The following SH3PXD2B variants were observed in gnomAD, a reference collection of about 807,000 sequenced individuals.
SH3PXD2B encodes SH3 and PX domains 2B, also known as SH3 and PX domain-containing protein 2B.
In SH3PXD2B, 37 loss-of-function variants were observed where a neutral mutation model predicts 73.1. The ratio of observed to expected loss-of-function variants is 0.51; its 90% CI spans 0.39 to 0.67. The LOEUF (loss-of-function observed/expected upper bound fraction) is 0.67, where lower values mean the gene tolerates loss of function less well. Ranked by LOEUF, SH3PXD2B falls within the 30% of genes least tolerant of loss-of-function variation. The pLI is 0.00. For missense variants in SH3PXD2B, 1,053 were observed against 1,197.8 expected, an observed-to-expected ratio of 0.88 and a Z score of 1.78; for synonymous variants, 457 against 480.5, an observed-to-expected ratio of 0.95 and a Z score of 0.64.
intron 2 of SH3PXD2B, among the ~76,000 whole-genome samples, chr5:172,416,879 C>G (rs143491179): frequency 5.2e-4 from 79 of 151,856 alleles, no homozygotes; most frequent in African/African-American, 1.9e-3. Flanking sequence ...TGGCTAATTT[C>G]TAAATTTTTT....
intron 4 of SH3PXD2B, among the ~76,000 whole-genome samples, chr5:172,389,845 AAG>A (rs1044047484): frequency 6.6e-6 from 1 of 152,188 alleles, no homozygotes; most frequent in Non-Finnish European, 1.5e-5. Flanking sequence ...ATCTCCTGCC[AAG>A]AGAGGGATCA....
chr5:172,359,934 T>C (rs1367888703), intron 7 of SH3PXD2B, among the ~76,000 whole-genome samples: 3 of 152,046 alleles, frequency 2.0e-5, no homozygotes, highest in Admixed American at 6.6e-5. Flanking sequence ...AGGTGCAACA[T>C]TGCTGGCGCT....
intron 3 of SH3PXD2B, among the ~76,000 whole-genome samples, chr5:172,395,811 A>G (rs1029740604): frequency 1.3e-5 from 2 of 152,128 alleles, no homozygotes; most frequent in African/African-American, 4.8e-5. Context: ...CGTGCAGAGC[A>G]ACCGGGGGTA....
At chr5:172,382,556 AACACAC>A (rs3057156) in intron 4 of SH3PXD2B, among the ~76,000 whole-genome samples, 4 of 149,460 alleles carry the variant, frequency 2.7e-5, no homozygotes, top group Admixed American at 6.7e-5. Flanking sequence ...TTTGGAGAAC[AACACAC>A]ACACACACAC....
At chr5:172,331,220 G>GTAA (rs1042002650), downstream of SH3PXD2B, among the ~76,000 whole-genome samples, 1 of 151,944 alleles carries the variant, frequency 6.6e-6, no homozygotes, top group African/African-American at 2.4e-5. Flanking sequence ...AAAATAAATG[G>GTAA]TAATAATAAT....
At chr5:172,330,237 T>C (rs938296568), downstream of SH3PXD2B, among the ~76,000 whole-genome samples, 2 of 152,188 alleles carry the variant, frequency 1.3e-5, no homozygotes, top group East Asian at 3.8e-4. Flanking sequence ...TCAATTTGTA[T>C]GGGAAAATCC....
At chr5:172,357,082 G>A (rs1757294414) in intron 8 of SH3PXD2B, among the ~76,000 whole-genome samples, 1 of 130,756 alleles carries the variant, frequency 7.6e-6, no homozygotes, top group Non-Finnish European at 1.5e-5. Context: ...TCATGCCACT[G>A]CACTCCAGCC....
chr5:172,355,192 C>T (rs1368893468), intron 8 of SH3PXD2B, among the ~76,000 whole-genome samples: 1 of 152,258 alleles, frequency 6.6e-6, no homozygotes, highest in Non-Finnish European at 1.5e-5. Context: ...GAAAATACCA[C>T]ATGCCGTCCG....
chr5:172,436,413 C>T (rs2113493476), intron 1 of SH3PXD2B, among the ~76,000 whole-genome samples: 1 of 152,366 alleles, frequency 6.6e-6, no homozygotes, highest in East Asian at 1.9e-4. Context: ...TCACCGGCCA[C>T]AGCCCTATTC....
In SH3PXD2B at chr5:172,389,741, A is replaced by AG. The variant is rs923265298; in HGVS notation, c.309+4821dup. 7.9e-4 allele frequency among the ~76,000 whole-genome samples: 120 copies of AG among 152,248 alleles called. 1 individual carries two copies. Among genetic ancestry groups the AG allele is most frequent in the Non-Finnish European group, 1.2e-3 (80 of 68,010 alleles). ...CCTTGTCTCAAAATAATAAAAATAA[A>AG]GCCTACTCCTCAAAGTGGTTGGAGA... is the stretch of plus-strand genomic sequence containing the variant. On this transcript the variant is annotated intron_variant, in intron 4 of 12. Transcript: ENST00000311601.
intron 1 of SH3PXD2B, among the ~76,000 whole-genome samples, chr5:172,451,500 G>A (rs376349950): frequency 1.3e-5 from 2 of 152,288 alleles, no homozygotes; most frequent in African/African-American, 4.8e-5. Flanking sequence ...GCAATCCACA[G>A]GACAGCCCTG....
intron 12 of SH3PXD2B, among the ~76,000 whole-genome samples, chr5:172,327,104 C>T (rs918411088): frequency 1.3e-5 from 2 of 152,148 alleles, no homozygotes; most frequent in Non-Finnish European, 2.9e-5. Flanking sequence ...AGGTGATCCG[C>T]CCGCCACGGC....
intron 1 of SH3PXD2B, among the ~76,000 whole-genome samples, chr5:172,431,525 T>G (rs1759240017): frequency 1.3e-5 from 2 of 152,246 alleles, no homozygotes; most frequent in South Asian, 2.1e-4. Context: ...GATGAGGGTT[T>G]TTGTGCAACT....
chr5:172,362,910 T>A (rs748430456), intron 6 of SH3PXD2B, 41 bp from the exon 7 acceptor site: 1 of 1,613,286 alleles, frequency 6.2e-7, no homozygotes, highest in Non-Finnish European at 8.5e-7. Context: ...CCACCACTCA[T>A]GCATGAAAGA....
intron 12 of SH3PXD2B, 143 bp downstream of exon 12, chr5:172,345,993 T>C: frequency 7.7e-7 from 1 of 1,294,380 alleles, no homozygotes; most frequent in Non-Finnish European, 1.1e-6. Context: ...AATTGTAAAC[T>C]GTATGGTATG....
chr5:172,350,347 G>T lies in SH3PXD2B; in HGVS notation c.1012+16C>A, dbSNP rs1182122894. On this transcript the variant is annotated intron_variant, in intron 10 of 12. Transcript: ENST00000311601. ...AGGGGCCCTGATTATCAGGAGCTTG[G>T]GCGGGTGTCACTCACTCTGCTTGGC... is the stretch of plus-strand genomic sequence containing the variant. 1 of 1,612,182 alleles carries T rather than the reference G, an allele frequency of 6.2e-7. No homozygotes were observed. The highest frequency in any genetic ancestry group is 8.5e-7 in the Non-Finnish European group (1 of 1,179,052).
chr5:172,358,930 G>C (rs1295997812), intron 7 of SH3PXD2B, 53 bp from the exon 8 acceptor site: 8 of 1,521,898 alleles, frequency 5.3e-6, no homozygotes, highest in Non-Finnish European at 7.2e-6. Flanking sequence ...ATGAGGCCGG[G>C]GGTCAGAACA....
At chr5:172,396,309 G>C (rs1758296555) in intron 3 of SH3PXD2B, among the ~76,000 whole-genome samples, 1 of 151,816 alleles carries the variant, frequency 6.6e-6, no homozygotes, top group African/African-American at 2.4e-5. Flanking sequence ...GGGAGGCAGA[G>C]GATGCAGTGA....
rs374035398 is a variant in SH3PXD2B at position 172,394,557 on chromosome 5, C to T, written c.309+6G>A. 1 of 1,613,924 alleles carries T rather than the reference C, an allele frequency of 6.2e-7. No homozygotes were observed. Among genetic ancestry groups the T allele is most frequent in the African/African-American group, 1.3e-5 (1 of 74,932 alleles). On this transcript the variant is annotated splice_donor_region_variant and intron_variant, in intron 4 of 12. Transcript: ENST00000311601. ...GGAAGACTGCGTGGGCATTTCTCAG[C>T]CTTACCTTACAGTATTCATCAATTG...
Sources: allele counts gnomAD v4.1 joint callset (sites outside exome capture counted in the v4.1 genomes callset), GRCh38; gene constraint gnomAD v4.1.1; transcripts MANE v1.5; gene names NCBI Gene and HGNC (gene_info 2026-07-23, HGNC 2026-07-21).